OR10K1: variants seen among roughly 807,000 people sequenced by gnomAD.
The protein encoded by OR10K1 is olfactory receptor family 10 subfamily K member 1.
For synonymous variants in OR10K1, 186 were observed against 152.5 expected (o/e 1.22, Z -1.62); for missense variants, 404 against 373.3 (o/e 1.08, Z -0.68).
Position 158,466,577 on chromosome 1 carries a change from T to G in OR10K1, c.*74T>G. ...TGTGTTTTATACATTTTTTTTCATT[T>G]AATTGTCCAGCTCCACTGTAACATA... is the stretch of plus-strand genomic sequence containing the variant. On this transcript the variant is annotated 3_prime_UTR_variant, in exon 2 of 2. Coordinates refer to ENST00000641535, the MANE Select transcript of OR10K1 (RefSeq NM_001004473.2). 1 of 902,484 alleles carries G rather than the reference T, an allele frequency of 1.1e-6. No homozygotes were observed. The highest frequency in any genetic ancestry group is 1.8e-6 in the Non-Finnish European group (1 of 566,358). 55.9% of individuals were successfully genotyped at this position (902,484 alleles called of 1,614,324 possible).
rs1365467906 is a variant in OR10K1 at position 158,466,033 on chromosome 1, G to T, written c.472G>T (p.Val158Phe). The stretch of plus-strand genomic sequence containing the variant: ...TGCCTGTGGCTTCACTGTCTCCCTG[G>T]TCACCACCTCCCTAGTATTTCATCT... ...ACACGFTVSL[V>F]TTSLVFHLPF... The change falls in exon 2 of 2, where the codon GTC becomes TTC. Residue 158 changes from valine (V) to phenylalanine (F), a missense_variant. Val to Phe is a conservative substitution (Grantham distance 50, BLOSUM62 -1). Transcript: ENST00000641535. 6.2e-7 allele frequency: 1 copy of T among 1,613,902 alleles called. No individual in the cohort carries two copies. The highest frequency in any genetic ancestry group is 8.5e-7 in the Non-Finnish European group (1 of 1,179,974).
rs1160039100 is a variant in OR10K1, at chr1:158,465,845, T to G, written c.284T>G (p.Leu95Arg). Residue 95 changes from leucine (L) to arginine (R), a missense_variant, in exon 2 of 2, where the codon CTG (leucine) becomes CGG (arginine). Leu to Arg is a moderately radical substitution (Grantham distance 102, BLOSUM62 -2). Coordinates refer to ENST00000641535, the MANE Select transcript of OR10K1 (RefSeq NM_001004473.2). ...TCCCAGAAGAAGACCATTTCTTTCCTGGGCTGTGCCATCCAAATGTTTTCC... is the reference window on the plus strand; with the variant it reads ...TCCCAGAAGAAGACCATTTCTTTCCGGGGCTGTGCCATCCAAATGTTTTCC... ...LLSQKKTISF[L>R]GCAIQMFSFL... 5.6e-6 allele frequency: 9 copies of G among 1,614,236 alleles called. No individual in the cohort carries two copies. Among genetic ancestry groups the G allele is most frequent in the Non-Finnish European group, 7.6e-6 (9 of 1,180,038 alleles).
chr1:158,463,293 A>G (rs11800388), intron 1 of OR10K1, among the ~76,000 whole-genome samples: 4,123 of 152,294 alleles, frequency 0.027, 85 homozygotes, highest in African/African-American at 0.053. Context: ...AAGTCTTTCT[A>G]TCAGTACAGA....
intron 1 of OR10K1, among the ~76,000 whole-genome samples, chr1:158,462,229 G>A (rs547346479): frequency 1.5e-4 from 23 of 151,290 alleles, no homozygotes; most frequent in African/African-American, 5.6e-4. Context: ...GCAGTGAGCC[G>A]AGACCGTGCC....
rs1656052339 is a variant in OR10K1 at position 158,466,792 on chromosome 1, C to T, written c.*289C>T. The stretch of plus-strand genomic sequence containing the variant: ...AACTAATATGAGAGCAAAGATGCAT[C>T]TAAACTGATGAGAGCTGTGTCTTGA... On this transcript the variant is annotated 3_prime_UTR_variant, in exon 2 of 2. Coordinates refer to ENST00000641535, the MANE Select transcript of OR10K1 (RefSeq NM_001004473.2). 1 of 321,446 alleles carries T rather than the reference C, an allele frequency of 3.1e-6. No individual in the cohort carries two copies. Among genetic ancestry groups the T allele is most frequent in the Admixed American group, 4.9e-5 (1 of 20,342 alleles). The allele number at this position is 321,446 out of a possible 1,614,324, so 19.9% of individuals were successfully genotyped here.
In OR10K1 at chr1:158,466,411, T is replaced by C. The variant is rs76117330; in HGVS notation, c.850T>C (p.Leu284=). Residue 284 remains leucine, a synonymous_variant, in exon 2 of 2, where the codon TTG becomes CTG. Coordinates refer to ENST00000641535, the MANE Select transcript of OR10K1 (RefSeq NM_001004473.2). Reference sequence around the variant, plus strand: ...TGTGTCATACACCATCCTTACCCCATTGTTCAATCCAATGATTTATAGTCT... The same window carrying C: ...TGTGTCATACACCATCCTTACCCCACTGTTCAATCCAATGATTTATAGTCT... ...ISVSYTILTP[L]FNPMIYSLRN... The C allele has an allele frequency of 7.0e-3, 11,218 of 1,613,862 alleles. 577 individuals carry two copies. In the African/African-American group the frequency reaches 0.12, roughly 18 times the overall value.
rs561725022 is a variant in OR10K1 at position 158,467,105 on chromosome 1, A to G, written c.*602A>G. The G allele has an allele frequency of 6.5e-6, 1 of 153,184 alleles. No individual in the cohort carries two copies. The highest frequency in any genetic ancestry group is 1.9e-4 in the East Asian group (1 of 5,182). The allele number at this position is 153,184 out of a possible 1,614,324, so 9.5% of individuals were successfully genotyped here. A position where few individuals can be genotyped will look rare whatever the true frequency, so the allele number is the denominator to read the frequency against. ...GAACCACTTTATGGTTCTCTTCCTG[A>G]TGCACATGTATGTCCTTCACATACT... On this transcript the variant is annotated 3_prime_UTR_variant, in exon 2 of 2. Coordinates refer to ENST00000641535, the MANE Select transcript of OR10K1 (RefSeq NM_001004473.2).
intron 1 of OR10K1, among the ~76,000 whole-genome samples, chr1:158,464,649 T>TTTTA (rs1655997758): frequency 6.6e-6 from 1 of 152,070 alleles, no homozygotes; most frequent in African/African-American, 2.4e-5. Flanking sequence ...TTTTATTTTA[T>TTTTA]TTTATTTATT....
intron 1 of OR10K1, among the ~76,000 whole-genome samples, chr1:158,462,835 C>T (rs1173208307): frequency 6.6e-6 from 1 of 152,110 alleles, no homozygotes; most frequent in Non-Finnish European, 1.5e-5. Flanking sequence ...ACATAAAATC[C>T]CAGTGGAGCA....
Position 158,465,568 on chromosome 1 carries a change from C to A in OR10K1, c.7C>A (p.Gln3Lys). The change falls in exon 2 of 2, where the codon CAA becomes AAA. Residue 3 changes from glutamine to lysine, a missense_variant. Transcript: ENST00000641535. ...CTTTATAGAAGTGCTCTCCATGGAG[C>A]AAGTCAATAAGACTGTGGTGAGAGA... is the stretch of plus-strand genomic sequence containing the variant. ME[Q>K]VNKTVVREFV... 6.2e-7 allele frequency: 1 copy of A among 1,613,446 alleles called. No individual in the cohort carries two copies.
chr1:158,463,489 T>C (rs1460859269), intron 1 of OR10K1, among the ~76,000 whole-genome samples: 8 of 152,234 alleles, frequency 5.3e-5, no homozygotes, highest in Admixed American at 4.6e-4. Flanking sequence ...GCTGTCCTCA[T>C]GTGCCTGAGC....
chr1:158,465,991 C>T lies in OR10K1; in HGVS notation c.430C>T (p.Leu144=), dbSNP rs772501265. The change falls in exon 2 of 2, where the codon CTA becomes TTA. Residue 144 remains leucine (L), a synonymous_variant. Transcript: ENST00000641535. Reference sequence around the variant, plus strand: ...CATGGGACATGGGGTGTGTATGGGACTAATGGCTGCTGCCTGTGCCTGTGG... The same window carrying T: ...CATGGGACATGGGGTGTGTATGGGATTAATGGCTGCTGCCTGTGCCTGTGG... ...VLMGHGVCMG[L]MAAACACGFT... 1.9e-5 allele frequency: 30 copies of T among 1,614,016 alleles called. No homozygotes were observed. The highest frequency in any genetic ancestry group is 2.5e-5 in the Non-Finnish European group (30 of 1,180,028).
In OR10K1 at chr1:158,466,555, G is replaced by A; in HGVS notation, c.*52G>A. On this transcript the variant is annotated 3_prime_UTR_variant, in exon 2 of 2. Transcript: ENST00000641535. ...CTAGTACATGCCAGGCAGAACGTGT[G>A]TTTTATACATTTTTTTTCATTTAAT... The A allele has an allele frequency of 9.2e-7, 1 of 1,083,802 alleles. No homozygotes were observed. Among genetic ancestry groups the A allele is most frequent in the South Asian group, 1.4e-5 (1 of 73,712 alleles). The allele number at this position is 1,083,802 out of a possible 1,614,324, so 67.1% of individuals were successfully genotyped here. A position where few individuals can be genotyped will look rare whatever the true frequency, so the allele number is the denominator to read the frequency against.
Position 158,466,102 on chromosome 1 carries a change from A to G in OR10K1, c.541A>G (p.Ile181Val), listed in dbSNP as rs1287955413. The G allele has an allele frequency of 6.2e-7, 1 of 1,613,860 alleles. No individual in the cohort carries two copies. Among genetic ancestry groups the G allele is most frequent in the Admixed American group, 1.7e-5 (1 of 60,004 alleles). ...SNQLHHFFCD[I>V]SPVLKLASQH... ...CCAGCTCCATCACTTCTTCTGTGAC[A>G]TCTCCCCTGTCCTTAAACTGGCATC... Residue 181 changes from isoleucine (I) to valine (V), a missense_variant, in exon 2 of 2, where the codon ATC (isoleucine) becomes GTC (valine). By Grantham distance (29) the Ile-to-Val change is conservative. Transcript: ENST00000641535.
At chr1:158,462,325 G>A (rs1253026689) in intron 1 of OR10K1, among the ~76,000 whole-genome samples, 2 of 141,950 alleles carry the variant, frequency 1.4e-5, no homozygotes, top group Non-Finnish European at 3.1e-5. Context: ...GATCATATTG[G>A]GTCATTCTTA....
Position 158,466,885 on chromosome 1 carries a change from A to G in OR10K1, c.*382A>G, listed in dbSNP as rs1656055121. 6.3e-6 allele frequency: 1 copy of G among 159,422 alleles called. No homozygotes were observed. Among genetic ancestry groups the G allele is most frequent in the Admixed American group, 6.3e-5 (1 of 15,958 alleles). The allele number at this position is 159,422 out of a possible 1,614,324, so 9.9% of individuals were successfully genotyped here. On this transcript the variant is annotated 3_prime_UTR_variant, in exon 2 of 2. Transcript: ENST00000641535. ...AAAAAAAAAAAAGAAAGAAAAAAGA[A>G]AAAAAAAAGGAAAACAGCAGGAAAT...
chr1:158,464,197 A>C (rs1453360742), intron 1 of OR10K1, among the ~76,000 whole-genome samples: 2 of 152,222 alleles, frequency 1.3e-5, no homozygotes, highest in African/African-American at 4.8e-5. Flanking sequence ...GACATACTGG[A>C]TGATTTTGTA....
At chr1:158,464,908 CA>C (rs1656002733) in intron 1 of OR10K1, among the ~76,000 whole-genome samples, 1 of 152,206 alleles carries the variant, frequency 6.6e-6, no homozygotes, top group African/African-American at 2.4e-5. Flanking sequence ...CTTGGCTTCT[CA>C]AAGTGCTGGG....
chr1:158,465,179 G>A (rs1459128702), intron 1 of OR10K1, among the ~76,000 whole-genome samples: 1 of 152,126 alleles, frequency 6.6e-6, no homozygotes, highest in Non-Finnish European at 1.5e-5. Flanking sequence ...TCTATATTCT[G>A]ATCAGCTTCA....
Sources: gnomAD v4.1 joint callset for allele counts (sites outside exome capture counted in the v4.1 genomes callset) on GRCh38, gnomAD v4.1.1 for gene constraint, MANE v1.5 for transcripts, NCBI Gene and HGNC (gene_info 2026-07-23, HGNC 2026-07-21) for gene names.